Variants in CYP7B1 observed in about 807,000 individuals in gnomAD.
The protein encoded by CYP7B1 is cytochrome P450 7B1.
Under a neutral mutation model 42.7 loss-of-function variants are expected in CYP7B1, and 29 were observed. That is an observed-to-expected ratio of 0.68 (90% CI 0.51 to 0.93). CYP7B1 has a LOEUF of 0.93. Among genes scored for constraint, CYP7B1 ranks in the 40% least tolerant of loss-of-function variants. CYP7B1 has a pLI of 0.00. For missense variants in CYP7B1, 655 were observed against 600.5 expected, an observed-to-expected ratio of 1.09 and a Z score of -0.95; for synonymous variants, 235 against 218.2, an observed-to-expected ratio of 1.08 and a Z score of -0.68.
In CYP7B1 at chr8:64,593,230, A is replaced by AG. The variant is rs138770801; in HGVS notation, c.*3411dup. 1.1e-4 allele frequency among the ~76,000 whole-genome samples: 13 copies of AG among 113,758 alleles called. No homozygotes were observed. In the East Asian group the frequency reaches 1.3e-3, roughly 12 times the overall value. 74.6% of individuals were successfully genotyped at this position (113,758 alleles called of 152,430 possible). On this transcript the variant is annotated 3_prime_UTR_variant, in exon 6 of 6. Transcript: ENST00000310193. ...TGTGGTGGACTAAAGGCTAGGGCCCAGGGTGTGTGTGTGTGTGTGTGTGTG... is the reference window on the plus strand; with the variant it reads ...TGTGGTGGACTAAAGGCTAGGGCCCAGGGGTGTGTGTGTGTGTGTGTGTGTG...
At chr8:64,734,035 G>A (rs1287275634) in intron 1 of CYP7B1, among the ~76,000 whole-genome samples, 4 of 152,016 alleles carry the variant, frequency 2.6e-5, no homozygotes, top group Non-Finnish European at 5.9e-5. Flanking sequence ...GGAAACTAAG[G>A]CTAGGTGAAC....
At chr8:64,650,192 G>GA (rs1806016789) in intron 1 of CYP7B1, among the ~76,000 whole-genome samples, 1 of 152,088 alleles carries the variant, frequency 6.6e-6, no homozygotes, top group South Asian at 2.1e-4. Context: ...AATACTCCCA[G>GA]AAAAATATAT....
At chr8:64,601,692 G>T (rs1456123175) in intron 5 of CYP7B1, among the ~76,000 whole-genome samples, 1 of 152,132 alleles carries the variant, frequency 6.6e-6, no homozygotes. Context: ...GTAAGATATT[G>T]TGTTTTAAAT....
chr8:64,771,753 CCTT>C (rs1264227318), intron 1 of CYP7B1, among the ~76,000 whole-genome samples: 3 of 152,220 alleles, frequency 2.0e-5, no homozygotes, highest in Non-Finnish European at 4.4e-5. Flanking sequence ...ACTGCGTTCT[CCTT>C]CTCATTCTAC....
intron 1 of CYP7B1, among the ~76,000 whole-genome samples, chr8:64,702,024 C>A (rs1806923869): frequency 6.6e-6 from 1 of 151,978 alleles, no homozygotes; most frequent in Admixed American, 6.6e-5. Flanking sequence ...ATGCACCATG[C>A]AATGTTCATT....
chr8:64,589,574 C>T (rs936963043), downstream of CYP7B1, among the ~76,000 whole-genome samples: 1 of 152,032 alleles, frequency 6.6e-6, no homozygotes, highest in African/African-American at 2.4e-5. Flanking sequence ...TTCATTCAAA[C>T]CTTAATTTTA....
chr8:64,694,930 C>T (rs1806801253), intron 1 of CYP7B1, among the ~76,000 whole-genome samples: 1 of 152,150 alleles, frequency 6.6e-6, no homozygotes, highest in Admixed American at 6.5e-5. Context: ...CCCGTTCTGT[C>T]CTGACTTCTG....
At chr8:64,701,592 T>A (rs1481045671) in intron 1 of CYP7B1, among the ~76,000 whole-genome samples, 1 of 152,106 alleles carries the variant, frequency 6.6e-6, no homozygotes, top group Non-Finnish European at 1.5e-5. Flanking sequence ...TGATTCTGCT[T>A]AAATGCCTGA....
intron 1 of CYP7B1, among the ~76,000 whole-genome samples, chr8:64,778,122 T>C (rs1454821438): frequency 1.3e-5 from 2 of 148,742 alleles, no homozygotes; most frequent in Non-Finnish European, 3.0e-5. Flanking sequence ...CATGATGCTC[T>C]ACACCATATG....
chr8:64,726,667 T>C (rs1807329472), intron 1 of CYP7B1, among the ~76,000 whole-genome samples: 2 of 152,190 alleles, frequency 1.3e-5, no homozygotes, highest in African/African-American at 2.4e-5. Context: ...GGATAATAAA[T>C]GTGAGAAGCT....
Position 64,778,871 on chromosome 8 carries a change from G to A in CYP7B1, c.122+19595C>T, listed in dbSNP as rs77736875. ...TAGACCCCAAACCTCTACTAAGCCAGTAAGCAAGTGGATGCAATAGCCAGT... is the reference window on the plus strand; with the variant it reads ...TAGACCCCAAACCTCTACTAAGCCAATAAGCAAGTGGATGCAATAGCCAGT... On this transcript the variant is annotated intron_variant, in intron 1 of 5. Coordinates refer to ENST00000310193, the MANE Select transcript of CYP7B1 (RefSeq NM_004820.5). Among the ~76,000 whole-genome samples the A allele has an allele frequency of 5.7e-3, 862 of 152,202 alleles. 17 individuals carry two copies. The East Asian group carries it at 0.07, about 12-fold the overall frequency.
At chr8:64,751,344 T>C (rs924069622) in intron 1 of CYP7B1, among the ~76,000 whole-genome samples, 8 of 152,226 alleles carry the variant, frequency 5.3e-5, no homozygotes, top group Non-Finnish European at 1.0e-4. Flanking sequence ...AAACCTGTTT[T>C]TCTCTTTATC....
At chr8:64,720,048 G>A (rs191571358) in intron 1 of CYP7B1, among the ~76,000 whole-genome samples, 140 of 152,180 alleles carry the variant, frequency 9.2e-4, no homozygotes, top group Non-Finnish European at 5.1e-4. Flanking sequence ...GGTTTAATTC[G>A]CAATGGTGTC....
chr8:64,697,492 G>A (rs1806846867), intron 1 of CYP7B1, among the ~76,000 whole-genome samples: 1 of 152,158 alleles, frequency 6.6e-6, no homozygotes, highest in South Asian at 2.1e-4. Context: ...GATAGTGCCA[G>A]GCACAGAGTC....
At chr8:64,653,713 T>G (rs1036374155) in intron 1 of CYP7B1, among the ~76,000 whole-genome samples, 6 of 152,068 alleles carry the variant, frequency 3.9e-5, no homozygotes, top group African/African-American at 1.4e-4. Context: ...AAACTTCAGG[T>G]CAATATCCTT....
chr8:64,597,467 G>A (rs867772840), intron 5 of CYP7B1, among the ~76,000 whole-genome samples: 23 of 152,294 alleles, frequency 1.5e-4, no homozygotes, highest in Middle Eastern at 6.8e-3. Context: ...ATATAAAATC[G>A]TAAGATTCAG....
At position 64,592,509 on chromosome 8, in the gene CYP7B1, G is replaced by A. The variant is rs914383455; in HGVS notation, c.*4133C>T. 2.0e-5 allele frequency among the ~76,000 whole-genome samples: 3 copies of A among 152,168 alleles called. No homozygotes were observed. The highest frequency in any genetic ancestry group is 1.5e-5 in the Non-Finnish European group (1 of 68,028). On this transcript the variant is annotated 3_prime_UTR_variant, in exon 6 of 6. Coordinates refer to ENST00000310193, the MANE Select transcript of CYP7B1 (RefSeq NM_004820.5). ...AAATAGTATGTTCTTGAAGGGGAAG[G>A]GGAATCCAGTGTCTAGCATCAATCA...
Position 64,615,215 on chromosome 8 carries a change from G to GAAAGCCT in CYP7B1, c.861_867dup (p.Leu290ArgfsTer33). On this transcript the variant is annotated frameshift_variant, in exon 4 of 6. Transcript: ENST00000310193. LOFTEE classifies it high-confidence loss of function. ...ATAGTGTTTGCCACAGAGGCCCAGA[G>GAAAGCCT]AAAGCCTAAATGATGTGCTGGGAGA... is the stretch of plus-strand genomic sequence containing the variant. 6.2e-7 allele frequency: 1 copy of GAAAGCCT among 1,613,090 alleles called. No individual in the cohort carries two copies. The highest frequency in any genetic ancestry group is 8.5e-7 in the Non-Finnish European group (1 of 1,179,448).
rs1805420085 is a variant in CYP7B1, at chr8:64,615,227, GA to G, written c.855del (p.His286IlefsTer2). 2 of 1,612,180 alleles carry G rather than the reference GA, an allele frequency of 1.2e-6. No individual in the cohort carries two copies. ...ACAGAGGCCCAGAGAAAGCCTAAAT[GA>G]TGTGCTGGGAGAAAATAAGTGAAAA... ...YVHEDLEIGA[H>X]HLGFLWASVA... On this transcript the variant is annotated frameshift_variant, in exon 4 of 6. Transcript: ENST00000310193. LOFTEE classifies it high-confidence loss of function.
Sources: gnomAD v4.1 joint callset for allele counts (sites outside exome capture counted in the v4.1 genomes callset) on GRCh38, gnomAD v4.1.1 for gene constraint, MANE v1.5 for transcripts, NCBI Gene and HGNC (gene_info 2026-07-23, HGNC 2026-07-21) for gene names.